The following YEATS2 variants were observed in gnomAD, a reference collection of about 807,000 sequenced individuals.
YEATS2 encodes the protein YEATS domain-containing protein 2.
In YEATS2, 77 loss-of-function variants were observed where a neutral mutation model predicts 163.2. The observed-to-expected ratio is 0.47, with a 90% CI of 0.39 to 0.57. The LOEUF (loss-of-function observed/expected upper bound fraction) is 0.57, where lower values mean the gene tolerates loss of function less well. Among genes scored for constraint, YEATS2 ranks in the 20% least tolerant of loss-of-function variants. The probability of loss-of-function intolerance (pLI) is 0.00; values close to 1 mark genes in which losing one functional copy is unlikely to be tolerated. For synonymous variants in YEATS2, 631 were observed against 645.1 expected (o/e 0.98, Z 0.33); for missense variants, 1,549 against 1,729.8 (o/e 0.90, Z 1.85).
chr3:183,747,553 A>G (rs934063403), intron 8 of YEATS2, 119 bp from the exon 9 acceptor site: 59 of 621,240 alleles, frequency 9.5e-5, no homozygotes, highest in Non-Finnish European at 9.1e-5. Flanking sequence ...TTACATTATG[A>G]AAAAGTAGAT....
At position 183,729,250 on chromosome 3, in the gene YEATS2, C is replaced by G. The variant is rs986432127; in HGVS notation, c.812+399C>G. 2.8e-4 allele frequency among the ~76,000 whole-genome samples: 41 copies of G among 148,146 alleles called. No individual in the cohort carries two copies. In the East Asian group the frequency reaches 7.4e-3, roughly 27 times the overall value. ...TCGCGCCACTGCACTCCAGCCTGGG[C>G]GACAGAGCGAGACTCTGTCTCAAAA... On this transcript the variant is annotated intron_variant, in intron 7 of 30. Transcript: ENST00000305135.
chr3:183,712,412 T>C (rs940363472), intron 1 of YEATS2, among the ~76,000 whole-genome samples: 6 of 151,784 alleles, frequency 4.0e-5, no homozygotes, highest in African/African-American at 1.5e-4. Flanking sequence ...GGTTTCACCA[T>C]GTTGGCCAGC....
intron 1 of YEATS2, among the ~76,000 whole-genome samples, chr3:183,705,588 T>C (rs1048181667): frequency 6.6e-6 from 1 of 152,170 alleles, no homozygotes. Context: ...TGTTTGCATG[T>C]GTCTGTGTAT....
chr3:183,798,423 G>A (rs1445193711), intron 22 of YEATS2, among the ~76,000 whole-genome samples: 6 of 151,956 alleles, frequency 3.9e-5, no homozygotes, highest in East Asian at 1.9e-4. Flanking sequence ...GCAAGATCTC[G>A]GCTCACTGCA....
chr3:183,759,495 G>T (rs1348921404), intron 13 of YEATS2, among the ~76,000 whole-genome samples: 5 of 151,834 alleles, frequency 3.3e-5, no homozygotes, highest in African/African-American at 1.2e-4. Flanking sequence ...TCTCTCTCTC[G>T]CAACAGAGAG....
chr3:183,764,722 G>A (rs577307075), intron 15 of YEATS2, among the ~76,000 whole-genome samples: 7 of 152,220 alleles, frequency 4.6e-5, no homozygotes, highest in South Asian at 2.1e-4. Flanking sequence ...CAGGAGAAAC[G>A]CTTGACCCCG....
Position 183,700,218 on chromosome 3 carries a change from A to G in YEATS2, c.-20+2225A>G, listed in dbSNP as rs142305132. ...TCTCCCCACATGTTTCTCAGTTTCA[A>G]ATGCTTCATGTTCATTCAGTGGATG... On this transcript the variant is annotated intron_variant, in intron 1 of 30. Transcript: ENST00000305135. 5.2e-4 allele frequency among the ~76,000 whole-genome samples: 79 copies of G among 152,272 alleles called. 1 individual carries two copies. The East Asian group carries it at 0.013, about 24-fold the overall frequency.
chr3:183,756,481 G>C, intron 11 of YEATS2, 47 bp from the exon 12 acceptor site: 1 of 1,478,058 alleles, frequency 6.8e-7, no homozygotes, highest in Non-Finnish European at 9.0e-7. Context: ...TCTTACGTGA[G>C]TTGAATATGT....
At chr3:183,715,341 T>TG (rs1715733766) in intron 2 of YEATS2, 79 bp downstream of exon 2, 4 of 1,067,378 alleles carry the variant, frequency 3.7e-6, no homozygotes, top group Non-Finnish European at 5.7e-6. Context: ...TAGAATGAAA[T>TG]GAATTTCCAC....
At position 183,808,019 on chromosome 3, in the gene YEATS2, T is replaced by C. The variant is rs921048452; in HGVS notation, c.4012-11T>C. 2 of 1,556,696 alleles carry C rather than the reference T, an allele frequency of 1.3e-6. No homozygotes were observed. Among genetic ancestry groups the C allele is most frequent in the South Asian group, 1.2e-5 (1 of 84,324 alleles). On this transcript the variant is annotated splice_polypyrimidine_tract_variant and intron_variant, in intron 28 of 30. Coordinates refer to ENST00000305135, the MANE Select transcript of YEATS2 (RefSeq NM_018023.5). ...GCGATACGAACAAACGGCTTTCTTC[T>C]GCTTTTCCAGATTGGGATCACCCTG... is the stretch of plus-strand genomic sequence containing the variant.
chr3:183,796,018 C>G (rs577604912), intron 21 of YEATS2, among the ~76,000 whole-genome samples: 1 of 141,052 alleles, frequency 7.1e-6, no homozygotes, highest in Non-Finnish European at 1.5e-5. Flanking sequence ...GTTCCGCTCT[C>G]GTTGCCCAGG....
At chr3:183,736,247 CT>C (rs1327759482) in intron 7 of YEATS2, among the ~76,000 whole-genome samples, 33 of 152,132 alleles carry the variant, frequency 2.2e-4, no homozygotes, top group African/African-American at 7.2e-4. Flanking sequence ...TATGATCTTT[CT>C]TTAAGTCTTC....
At chr3:183,727,188 C>T (rs1717203695) in intron 6 of YEATS2, among the ~76,000 whole-genome samples, 1 of 151,828 alleles carries the variant, frequency 6.6e-6, no homozygotes, top group Admixed American at 6.6e-5. Context: ...AAAAAATAAA[C>T]ATAACATACA....
chr3:183,746,204 G>A (rs1322343162), intron 8 of YEATS2, among the ~76,000 whole-genome samples: 8 of 151,834 alleles, frequency 5.3e-5, no homozygotes, highest in Non-Finnish European at 1.2e-4. Context: ...CTGAGACTAC[G>A]GGAACATGCC....
rs750489164 is a variant in YEATS2 at position 183,808,123 on chromosome 3, C to G, written c.4086+19C>G. 25 of 1,547,828 alleles carry G rather than the reference C, an allele frequency of 1.6e-5. No homozygotes were observed. Among genetic ancestry groups the G allele is most frequent in the Middle Eastern group, 3.3e-4 (2 of 5,972 alleles). ...CCTGAAGGTGGGTGCCTGCAGGGGCCGCCAGCCAGGAAGGATGGTTGCATC... is the reference window on the plus strand; with the variant it reads ...CCTGAAGGTGGGTGCCTGCAGGGGCGGCCAGCCAGGAAGGATGGTTGCATC... On this transcript the variant is annotated intron_variant, in intron 29 of 30. Coordinates refer to ENST00000305135, the MANE Select transcript of YEATS2 (RefSeq NM_018023.5).
At chr3:183,785,214 C>T (rs1222164088) in intron 19 of YEATS2, among the ~76,000 whole-genome samples, 10 of 150,724 alleles carry the variant, frequency 6.6e-5, no homozygotes, top group African/African-American at 9.8e-5. Flanking sequence ...TGGCCGGGTG[C>T]GGTGGCTTCA....
In YEATS2 at chr3:183,752,249, G is replaced by A. The variant is rs746029584; in HGVS notation, c.1146G>A (p.Glu382=). Residue 382 remains glutamate, a synonymous_variant, in exon 10 of 31, where the codon GAG becomes GAA. Transcript: ENST00000305135. ...AGCCAGTACCCGATACCTCTGTGGAGAAAGGTAATACAGCAGTTTTCCTTG... is the reference window on the plus strand; with the variant it reads ...AGCCAGTACCCGATACCTCTGTGGAAAAAGGTAATACAGCAGTTTTCCTTG... ...SHEPVPDTSV[E]KGFPASTEAE... is the part of the protein sequence containing the mutation. 1.1e-5 allele frequency: 18 copies of A among 1,614,010 alleles called. No homozygotes were observed. The highest frequency in any genetic ancestry group is 1.5e-5 in the Non-Finnish European group (18 of 1,180,018).
At chr3:183,760,518 C>G (rs571122493) in intron 13 of YEATS2, among the ~76,000 whole-genome samples, 2 of 152,144 alleles carry the variant, frequency 1.3e-5, no homozygotes, top group East Asian at 3.9e-4. Context: ...GACGGGGTTT[C>G]TCCACGTTGG....
intron 1 of YEATS2, among the ~76,000 whole-genome samples, chr3:183,702,093 C>G (rs1009691160): frequency 6.6e-6 from 1 of 152,216 alleles, no homozygotes; most frequent in Non-Finnish European, 1.5e-5. Context: ...ATGAAGTGAA[C>G]TCCAGCCTTC....
Sources: allele counts gnomAD v4.1 joint callset (sites outside exome capture counted in the v4.1 genomes callset), GRCh38; gene constraint gnomAD v4.1.1; transcripts MANE v1.5; gene names NCBI Gene and HGNC (gene_info 2026-07-23, HGNC 2026-07-21).